The following PRKACB variants were observed in gnomAD, a reference collection of about 807,000 sequenced individuals.
PRKACB encodes the protein cAMP-dependent protein kinase catalytic subunit beta.
In PRKACB, 16 loss-of-function variants were observed where a neutral mutation model predicts 51.4. That is an observed-to-expected ratio of 0.31 (90% CI 0.21 to 0.47). The LOEUF is 0.47. Ranked by LOEUF, PRKACB falls within the 20% of genes least tolerant of loss-of-function variation. The pLI is 1.00. For missense variants in PRKACB, 309 were observed against 464.5 expected, an observed-to-expected ratio of 0.67 and a Z score of 3.08; for synonymous variants, 147 against 154.4, an observed-to-expected ratio of 0.95 and a Z score of 0.35.
At chr1:84,230,682 C>G (rs1379304611) in intron 9 of PRKACB, among the ~76,000 whole-genome samples, 3 of 149,024 alleles carry the variant, frequency 2.0e-5, no homozygotes, top group African/African-American at 7.5e-5. Flanking sequence ...GTATTTTATT[C>G]TCTTTGAAGC....
chr1:84,078,358 C>A (rs1397725251), exon 1 of PRKACB: 3 of 1,612,186 alleles, frequency 1.9e-6, no homozygotes, highest in Non-Finnish European at 2.5e-6. Flanking sequence ...AGAAAGGCAG[C>A]GAGGTGGAGA....
At chr1:84,101,562 T>A (rs1296503101) in intron 1 of PRKACB, among the ~76,000 whole-genome samples, 2 of 152,190 alleles carry the variant, frequency 1.3e-5, no homozygotes, top group Non-Finnish European at 2.9e-5. Flanking sequence ...TTATTACTCA[T>A]TCTTATCACC....
intron 1 of PRKACB, among the ~76,000 whole-genome samples, chr1:84,094,546 C>T (rs1648774819): frequency 6.6e-6 from 1 of 151,796 alleles, no homozygotes; most frequent in South Asian, 2.1e-4. Context: ...CTTAGTTTCA[C>T]TGTGTTCAGA....
chr1:84,202,926 C>T lies in PRKACB; in HGVS notation c.906+121C>T, dbSNP rs1670543226. The T allele has an allele frequency of 2.5e-5, 22 of 892,608 alleles. No homozygotes were observed. The South Asian group carries it at 5.2e-4, about 21-fold the overall frequency. 55.3% of individuals were successfully genotyped at this position (892,608 alleles called of 1,614,324 possible). A position where few individuals can be genotyped will look rare whatever the true frequency, so the allele number is the denominator to read the frequency against. ...ATTGGGAAAAATATAGAAAAATCTA[C>T]AGTTGCTGCTCTTACTATCATAAGA... On this transcript the variant is annotated intron_variant, in intron 8 of 9. Transcript: ENST00000370685.
At chr1:84,109,876 T>C (rs1167342651) in intron 1 of PRKACB, among the ~76,000 whole-genome samples, 2 of 151,916 alleles carry the variant, frequency 1.3e-5, no homozygotes, top group Non-Finnish European at 2.9e-5. Flanking sequence ...TATTAACCCT[T>C]TTCTGATTAT....
At chr1:84,138,724 A>G (rs1571758221) in intron 1 of PRKACB, among the ~76,000 whole-genome samples, 1 of 152,350 alleles carries the variant, frequency 6.6e-6, no homozygotes, top group African/African-American at 2.4e-5. Flanking sequence ...CAAAGATGGC[A>G]CATGAAAATA....
At chr1:84,217,062 T>A (rs142423665) in intron 9 of PRKACB, among the ~76,000 whole-genome samples, 3 of 152,176 alleles carry the variant, frequency 2.0e-5, no homozygotes, top group Admixed American at 1.3e-4. Flanking sequence ...GATCAACCAA[T>A]CATTAGCAGT....
intron 7 of PRKACB, 145 bp downstream of exon 7, chr1:84,197,969 A>G (rs1668672112): frequency 3.5e-6 from 2 of 572,164 alleles, no homozygotes; most frequent in South Asian, 5.3e-5. Context: ...CATGATTACT[A>G]AAGAATTATT....
chr1:84,132,638 A>G (rs1215465957), intron 1 of PRKACB, among the ~76,000 whole-genome samples: 2 of 152,188 alleles, frequency 1.3e-5, no homozygotes, highest in Non-Finnish European at 2.9e-5. Flanking sequence ...GAAAAAATAG[A>G]CATCATGTAA....
rs1248272243 is a variant in PRKACB, at chr1:84,182,107, A to G, written c.250-93A>G. ...ATTTAAATGGATAGTTATAAATGGG[A>G]TTATCCATTATGATTATGTATTATT... On this transcript the variant is annotated intron_variant, in intron 2 of 9. Transcript: ENST00000370685. 5.3e-6 allele frequency: 5 copies of G among 951,706 alleles called. No individual in the cohort carries two copies. The East Asian group carries it at 1.2e-4, about 22-fold the overall frequency. The allele number at this position is 951,706 out of a possible 1,614,324, so 59.0% of individuals were successfully genotyped here.
Position 84,165,717 on chromosome 1 carries a change from T to G in PRKACB, c.188-13460T>G, listed in dbSNP as rs1315096988. 2.0e-5 allele frequency among the ~76,000 whole-genome samples: 3 copies of G among 151,832 alleles called. 1 individual carries two copies. The highest frequency in any genetic ancestry group is 6.3e-3 in the Middle Eastern group (2 of 316). On this transcript the variant is annotated intron_variant, in intron 1 of 9. Coordinates refer to ENST00000370685, the MANE Select transcript of PRKACB (RefSeq NM_182948.4). ...ATATACTACAGTATGTACTGCAGTT[T>G]ATCATAGGGTAAAAGCTGTCACTTC...
chr1:84,104,358 A>T (rs1649574375), intron 1 of PRKACB, among the ~76,000 whole-genome samples: 1 of 152,090 alleles, frequency 6.6e-6, no homozygotes, highest in Admixed American at 6.6e-5. Flanking sequence ...ATACATATAT[A>T]TACACTTTCT....
rs564374369 is a variant in PRKACB at position 84,237,437 on chromosome 1, T to C, written c.*2132T>C. On this transcript the variant is annotated 3_prime_UTR_variant, in exon 10 of 10. Coordinates refer to ENST00000370685, the MANE Select transcript of PRKACB (RefSeq NM_182948.4). Reference sequence around the variant, plus strand: ...ATTTCTATGAATTCTAAAAAATATTTTTTTCTATGAAATTACTAGTGCCCA... The same window carrying C: ...ATTTCTATGAATTCTAAAAAATATTCTTTTCTATGAAATTACTAGTGCCCA... 1.3e-5 allele frequency: 2 copies of C among 152,666 alleles called. No individual in the cohort carries two copies. Among genetic ancestry groups the C allele is most frequent in the South Asian group, 4.1e-4 (2 of 4,826 alleles). The allele number at this position is 152,666 out of a possible 1,614,324, so 9.5% of individuals were successfully genotyped here.
intron 1 of PRKACB, among the ~76,000 whole-genome samples, chr1:84,167,736 A>G (rs763255441): frequency 2.0e-5 from 3 of 151,614 alleles, no homozygotes; most frequent in Non-Finnish European, 3.0e-5. Context: ...ATACTTGAAC[A>G]GTTCCCTTAC....
chr1:84,093,131 T>G (rs1374898215), intron 1 of PRKACB, among the ~76,000 whole-genome samples: 1 of 152,046 alleles, frequency 6.6e-6, no homozygotes, highest in African/African-American at 2.4e-5. Context: ...ATGATTTGTG[T>G]TTTGTTTGGC....
intron 1 of PRKACB, among the ~76,000 whole-genome samples, chr1:84,089,687 A>G (rs1189857881): frequency 6.6e-6 from 1 of 152,150 alleles, no homozygotes; most frequent in African/African-American, 2.4e-5. Context: ...TTCTTTGACC[A>G]TGTTATCTCC....
chr1:84,150,741 T>C (rs1654758121), intron 1 of PRKACB, among the ~76,000 whole-genome samples: 1 of 152,182 alleles, frequency 6.6e-6, no homozygotes, highest in African/African-American at 2.4e-5. Context: ...GGCAGTATGC[T>C]TCTTCTACAG....
At chr1:84,174,815 A>T (rs1435564566) in intron 1 of PRKACB, among the ~76,000 whole-genome samples, 1 of 151,910 alleles carries the variant, frequency 6.6e-6, no homozygotes, top group African/African-American at 2.4e-5. Flanking sequence ...AAGGAAAATA[A>T]GAAGGTTATT....
intron 1 of PRKACB, among the ~76,000 whole-genome samples, chr1:84,132,262 G>T (rs926944629): frequency 7.1e-6 from 1 of 141,730 alleles, no homozygotes; most frequent in Non-Finnish European, 1.6e-5. Context: ...ATTTCAGCTG[G>T]AAGAGTTGCA....
Sources: allele counts gnomAD v4.1 joint callset (sites outside exome capture counted in the v4.1 genomes callset), GRCh38; gene constraint gnomAD v4.1.1; transcripts MANE v1.5; gene names NCBI Gene and HGNC (gene_info 2026-07-23, HGNC 2026-07-21).